ANTXR2: variants seen among roughly 807,000 people sequenced by gnomAD.
The protein encoded by ANTXR2 is anthrax toxin receptor 2.
A neutral mutation model predicts 73.7 loss-of-function variants in ANTXR2; 44 were observed. The observed-to-expected ratio is 0.60, with a 90% CI of 0.47 to 0.77. The LOEUF (loss-of-function observed/expected upper bound fraction) is 0.77. ANTXR2 is among the 30% of genes least tolerant of loss of function. The probability of loss-of-function intolerance (pLI) is 0.00; values close to 1 mark genes in which losing one functional copy is unlikely to be tolerated. For missense variants in ANTXR2, 604 were observed against 592.5 expected (o/e 1.02, Z -0.20); for synonymous variants, 217 against 205.9 (o/e 1.05, Z -0.46).
rs34138950 is a variant in ANTXR2, at chr4:79,925,287, C to CTTT, written c.1429-17823_1429-17821dup. ...AGACTTAAATTATAGTCACTCTTTC[C>CTTT]TTTTTTTTTTTTTAATGATGATGGC... On this transcript the variant is annotated intron_variant, in intron 16 of 16. Coordinates refer to ENST00000403729, the MANE Select transcript of ANTXR2 (RefSeq NM_058172.6). Among the ~76,000 whole-genome samples, 229 of 143,992 alleles carry CTTT rather than the reference C, an allele frequency of 1.6e-3. 1 individual carries two copies. The highest frequency in any genetic ancestry group is 3.6e-3 in the East Asian group (18 of 4,942). The allele number at this position is 143,992 out of a possible 152,430, so 94.5% of individuals were successfully genotyped here.
chr4:79,984,983 C>G, intron 12 of ANTXR2, 120 bp from the exon 13 acceptor site: 1 of 749,832 alleles, frequency 1.3e-6, no homozygotes, highest in Non-Finnish European at 2.2e-6. Context: ...CTCACTGAAG[C>G]TTGCCACCCA....
In ANTXR2 at chr4:79,901,279, A is replaced by T. The variant is rs985149514; in HGVS notation, c.*6150T>A. 1.3e-5 allele frequency: 2 copies of T among 152,140 alleles called. No homozygotes were observed. The highest frequency in any genetic ancestry group is 4.8e-5 in the African/African-American group (2 of 41,452). The allele number at this position is 152,140 out of a possible 1,614,324, so 9.4% of individuals were successfully genotyped here. A position where few individuals can be genotyped will look rare whatever the true frequency, so the allele number is the denominator to read the frequency against. ...CTAGAACTAGTCAATCTTGTTTTATATTGTGAGTTTTTCTTTCCCCAATTA... is the reference window on the plus strand; with the variant it reads ...CTAGAACTAGTCAATCTTGTTTTATTTTGTGAGTTTTTCTTTCCCCAATTA... On this transcript the variant is annotated 3_prime_UTR_variant, in exon 17 of 17. Coordinates refer to ENST00000403729, the MANE Select transcript of ANTXR2 (RefSeq NM_058172.6).
intron 16 of ANTXR2, among the ~76,000 whole-genome samples, chr4:79,960,440 A>G (rs1729100201): frequency 1.3e-5 from 2 of 152,154 alleles, no homozygotes; most frequent in Non-Finnish European, 1.5e-5. Flanking sequence ...GAGATGATGT[A>G]TATCAGAGAA....
intron 16 of ANTXR2, among the ~76,000 whole-genome samples, chr4:79,914,229 A>G (rs1286940647): frequency 6.6e-6 from 1 of 152,170 alleles, no homozygotes; most frequent in Non-Finnish European, 1.5e-5. Flanking sequence ...TTTATTATAT[A>G]ATGGCAACTA....
At chr4:80,036,163 T>C in intron 7 of ANTXR2, 131 bp from the exon 8 acceptor site, 1 of 734,764 alleles carries the variant, frequency 1.4e-6, no homozygotes. Flanking sequence ...ATCTATTAAC[T>C]ATAGCGTGTA....
chr4:79,914,089 T>C (rs980950855), intron 16 of ANTXR2, among the ~76,000 whole-genome samples: 2 of 152,116 alleles, frequency 1.3e-5, no homozygotes, highest in Non-Finnish European at 2.9e-5. Context: ...GCCCTGTGAA[T>C]TTTGGTCATA....
chr4:79,930,674 A>G (rs571492673), intron 16 of ANTXR2, among the ~76,000 whole-genome samples: 1 of 152,194 alleles, frequency 6.6e-6, no homozygotes, highest in Non-Finnish European at 1.5e-5. Context: ...TTTCCTTGCA[A>G]CTATTACCTC....
chr4:79,945,300 C>T (rs1448916611), intron 16 of ANTXR2, among the ~76,000 whole-genome samples: 15 of 151,888 alleles, frequency 9.9e-5, no homozygotes. Context: ...CTAACCTAAC[C>T]CTGGAATAAT....
intron 16 of ANTXR2, among the ~76,000 whole-genome samples, chr4:79,934,161 G>A (rs1253917533): frequency 2.0e-5 from 3 of 152,294 alleles, no homozygotes; most frequent in African/African-American, 7.2e-5. Context: ...TCTGTGACAA[G>A]AGTATCAGTA....
intron 11 of ANTXR2, among the ~76,000 whole-genome samples, chr4:80,018,664 A>G (rs541143144): frequency 2.0e-5 from 3 of 152,344 alleles, no homozygotes; most frequent in South Asian, 2.1e-4. Context: ...TTTAAATTCT[A>G]TAAGTATGAA....
intron 12 of ANTXR2, among the ~76,000 whole-genome samples, chr4:79,987,537 A>T (rs1375026810): frequency 2.0e-5 from 3 of 152,188 alleles, no homozygotes; most frequent in African/African-American, 7.2e-5. Context: ...GAGAACAAGC[A>T]ACTTGGAAAA....
chr4:80,067,643 T>A (rs192857902), intron 3 of ANTXR2, among the ~76,000 whole-genome samples: 20 of 152,284 alleles, frequency 1.3e-4, no homozygotes, highest in Non-Finnish European at 2.5e-4. Flanking sequence ...CATAGAAAGC[T>A]GCCATACACG....
chr4:80,011,405 C>G (rs1034317245), intron 11 of ANTXR2, among the ~76,000 whole-genome samples: 1 of 151,864 alleles, frequency 6.6e-6, no homozygotes, highest in African/African-American at 2.4e-5. Context: ...TTGAAATATT[C>G]AATATCAGGA....
At chr4:79,965,159 G>C (rs141131736) in intron 16 of ANTXR2, 2 of 152,356 alleles carry the variant, frequency 1.3e-5, no homozygotes, top group South Asian at 2.1e-4. Context: ...GTAAATGCGC[G>C]TGACTCTGGG....
At chr4:79,950,263 A>G (rs1728656940) in intron 16 of ANTXR2, among the ~76,000 whole-genome samples, 1 of 152,130 alleles carries the variant, frequency 6.6e-6, no homozygotes, top group Non-Finnish European at 1.5e-5. Flanking sequence ...TATTCCTCAC[A>G]AATGTCATTA....
chr4:79,949,739 T>G (rs1290585996), intron 16 of ANTXR2, among the ~76,000 whole-genome samples: 4 of 152,186 alleles, frequency 2.6e-5, no homozygotes, highest in African/African-American at 9.6e-5. Flanking sequence ...AGAAAAGGAA[T>G]GCAAAATAGA....
chr4:79,983,206 A>T lies in ANTXR2; in HGVS notation c.1179+672T>A, dbSNP rs4621377. On this transcript the variant is annotated intron_variant, in intron 14 of 16. Transcript: ENST00000403729. ...CTTGGGATGGGATGCAGGCCTGTTT[A>T]TACTGTTGTTAAGAGCTCAGTGCTG... is the stretch of plus-strand genomic sequence containing the variant. 4.1e-3 allele frequency among the ~76,000 whole-genome samples: 624 copies of T among 152,284 alleles called. 4 individuals carry two copies. The highest frequency in any genetic ancestry group is 0.014 in the African/African-American group (592 of 41,586).
intron 12 of ANTXR2, among the ~76,000 whole-genome samples, chr4:79,997,764 T>TGTGA (rs1437395992): frequency 4.6e-5 from 7 of 151,998 alleles, no homozygotes; most frequent in Admixed American, 1.3e-4. Flanking sequence ...AGAAGAACAG[T>TGTGA]GTGAGAGTGT....
chr4:79,974,956 T>G (rs1220297673), intron 16 of ANTXR2, among the ~76,000 whole-genome samples: 6 of 152,354 alleles, frequency 3.9e-5, no homozygotes, highest in African/African-American at 1.2e-4. Flanking sequence ...TGATATATGT[T>G]AGGCACTAGG....
Sources: gnomAD v4.1 joint callset for allele counts (sites outside exome capture counted in the v4.1 genomes callset) on GRCh38, gnomAD v4.1.1 for gene constraint, MANE v1.5 for transcripts, NCBI Gene and HGNC (gene_info 2026-07-23, HGNC 2026-07-21) for gene names.